The following IMPG1 variants were observed in gnomAD, a reference collection of about 807,000 sequenced individuals.
The protein encoded by IMPG1 is interphotoreceptor matrix proteoglycan of 150 kDa.
In IMPG1, 85 loss-of-function variants were observed where a neutral mutation model predicts 92.0. The observed-to-expected ratio is 0.92, with a 90% CI of 0.78 to 1.11. IMPG1 has a LOEUF of 1.11. Ranked by LOEUF, IMPG1 falls within the 50% of genes least tolerant of loss-of-function variation. The pLI is 0.00. For missense variants in IMPG1, 1,022 were observed against 956.0 expected, an observed-to-expected ratio of 1.07 and a Z score of -0.91; for synonymous variants, 367 against 334.1, an observed-to-expected ratio of 1.10 and a Z score of -1.08.
At position 76,034,393 on chromosome 6, in the gene IMPG1, C is replaced by T. The variant is rs761638471; in HGVS notation, c.469-50G>A. On this transcript the variant is annotated intron_variant, in intron 3 of 16. Transcript: ENST00000369950. ...TAATTTTACCAGGAGATAATGCCAA[C>T]CGAAGAGTTAAAGTCAATTTTCATT... The T allele has an allele frequency of 3.3e-6, 5 of 1,533,706 alleles. No homozygotes were observed. The South Asian group carries it at 5.6e-5, about 17-fold the overall frequency.
chr6:75,993,448 C>T (rs1335259105), intron 12 of IMPG1, among the ~76,000 whole-genome samples: 4 of 151,506 alleles, frequency 2.6e-5, no homozygotes, highest in Admixed American at 2.6e-4. Context: ...AGTTGTATCC[C>T]CACATGGCGG....
chr6:75,972,038 C>T (rs1230223105), intron 12 of IMPG1, among the ~76,000 whole-genome samples: 1 of 152,064 alleles, frequency 6.6e-6, no homozygotes, highest in Non-Finnish European at 1.5e-5. Flanking sequence ...GTAATTTTAC[C>T]TTTTAATAAA....
intron 1 of IMPG1, among the ~76,000 whole-genome samples, chr6:76,062,840 T>C (rs1582138335): frequency 7.1e-6 from 1 of 140,960 alleles, no homozygotes; most frequent in Admixed American, 7.8e-5. Context: ...AAGCCCTAAA[T>C]GAGTAGCAAG....
At chr6:75,958,313 T>C (rs1192927255) in intron 12 of IMPG1, among the ~76,000 whole-genome samples, 37 of 152,196 alleles carry the variant, frequency 2.4e-4, no homozygotes. Flanking sequence ...TGGCTGCCCT[T>C]AACATTTTCC....
intron 12 of IMPG1, among the ~76,000 whole-genome samples, chr6:75,969,818 T>C (rs993024044): frequency 1.3e-5 from 2 of 152,190 alleles, no homozygotes; most frequent in African/African-American, 4.8e-5. Flanking sequence ...AACGTATCTA[T>C]ATTCTAAGAA....
intron 12 of IMPG1, among the ~76,000 whole-genome samples, chr6:75,951,894 A>G (rs1307293418): frequency 2.6e-5 from 4 of 152,086 alleles, no homozygotes; most frequent in Non-Finnish European, 5.9e-5. Flanking sequence ...GTGAGCCGAG[A>G]TCATGCCACT....
At chr6:75,986,136 G>A (rs1016802125) in intron 12 of IMPG1, among the ~76,000 whole-genome samples, 4 of 151,954 alleles carry the variant, frequency 2.6e-5, no homozygotes, top group African/African-American at 9.7e-5. Context: ...TGGTACTTTG[G>A]TACTTTAATT....
intron 12 of IMPG1, among the ~76,000 whole-genome samples, chr6:75,966,355 C>T (rs1782307537): frequency 6.6e-6 from 1 of 152,016 alleles, no homozygotes; most frequent in Admixed American, 6.6e-5. Flanking sequence ...GTTATTGTGG[C>T]AGTATTTAGA....
intron 12 of IMPG1, among the ~76,000 whole-genome samples, chr6:75,975,811 A>C (rs1275018016): frequency 6.6e-6 from 1 of 152,218 alleles, no homozygotes; most frequent in Non-Finnish European, 1.5e-5. Context: ...CAACTACTCA[A>C]CTATGCTGCT....
At chr6:75,930,427 A>G (rs1457257527) in intron 15 of IMPG1, among the ~76,000 whole-genome samples, 1 of 152,218 alleles carries the variant, frequency 6.6e-6, no homozygotes, top group Non-Finnish European at 1.5e-5. Context: ...TGTGGAATTA[A>G]CTGATTTTCA....
intron 16 of IMPG1, 112 bp downstream of exon 16, chr6:75,923,516 TTAAAAA>T (rs1781466816): frequency 3.0e-6 from 2 of 662,162 alleles, no homozygotes; most frequent in Non-Finnish European, 5.3e-6. Context: ...AAACAGTAAA[TTAAAAA>T]TAAAAAGTAT....
rs199644430 is a variant in IMPG1 at position 76,003,872 on chromosome 6, A to G, written c.1212+2T>C. 34 of 1,608,532 alleles carry G rather than the reference A, an allele frequency of 2.1e-5. No homozygotes were observed. The highest frequency in any genetic ancestry group is 5.1e-5 in the Admixed American group (3 of 58,984). ...TAAAGAACAAAAGGACAACAAACTT[A>G]CCTCTGTTATAACAGCAAAAGATGT... On this transcript the variant is annotated splice_donor_variant, in intron 11 of 16. Coordinates refer to ENST00000369950, the MANE Select transcript of IMPG1 (RefSeq NM_001563.4). LOFTEE classifies it high-confidence loss of function.
intron 12 of IMPG1, among the ~76,000 whole-genome samples, chr6:75,966,271 CATT>C (rs1782306788): frequency 6.6e-6 from 1 of 152,112 alleles, no homozygotes; most frequent in African/African-American, 2.4e-5. Flanking sequence ...TATTAAAAAA[CATT>C]ATTAAAAATA....
intron 4 of IMPG1, among the ~76,000 whole-genome samples, chr6:76,030,579 G>T (rs944587332): frequency 1.6e-4 from 25 of 152,086 alleles, no homozygotes; most frequent in Non-Finnish European, 1.5e-5. Flanking sequence ...CCTTAAACTG[G>T]TTGTCTTAGG....
At chr6:76,019,342 T>G (rs1173792859) in intron 6 of IMPG1, among the ~76,000 whole-genome samples, 1 of 152,212 alleles carries the variant, frequency 6.6e-6, no homozygotes, top group Non-Finnish European at 1.5e-5. Context: ...GTTTTCAACC[T>G]TGGATACCCA....
At chr6:76,049,407 G>A (rs1164255160) in intron 1 of IMPG1, among the ~76,000 whole-genome samples, 1 of 152,158 alleles carries the variant, frequency 6.6e-6, no homozygotes, top group East Asian at 1.9e-4. Context: ...CCTAGTGAGT[G>A]AAGATTTCCT....
chr6:75,950,570 T>C lies in IMPG1; in HGVS notation c.1816A>G (p.Thr606Ala), dbSNP rs774278502. Residue 606 changes from threonine to alanine, a missense_variant, in exon 13 of 17, where the codon ACA becomes GCA. Physicochemically the swap from Thr to Ala is moderately conservative, Grantham distance 58 (BLOSUM62 0). Around this residue, in one of 3 missense-constraint regions of IMPG1, gnomAD observed 332 missense variants for 346.2 expected, o/e 0.96. Coordinates refer to ENST00000369950, the MANE Select transcript of IMPG1 (RefSeq NM_001563.4). ...GAGCAGTGCCCACTCACCAGCTGTGTGAATTGTTGCTCCAGAGCTCGGTAC... is the reference window on the plus strand; with the variant it reads ...GAGCAGTGCCCACTCACCAGCTGTGCGAATTGTTGCTCCAGAGCTCGGTAC... ...LEYRALEQQF[T>A]QLLVPYLRSN... 1 of 1,606,724 alleles carries C rather than the reference T, an allele frequency of 6.2e-7. No homozygotes were observed. Among genetic ancestry groups the C allele is most frequent in the Admixed American group, 1.7e-5 (1 of 59,344 alleles).
intron 4 of IMPG1, among the ~76,000 whole-genome samples, chr6:76,032,652 C>T (rs1227905673): frequency 6.6e-6 from 1 of 152,128 alleles, no homozygotes. Context: ...AAGTTCAAAG[C>T]AGGAAGAGAT....
chr6:76,005,466 G>T lies in IMPG1; in HGVS notation c.956C>A (p.Ala319Glu), dbSNP rs1191726871. ...KRHSAEAKSP[A>E]SDLLSFDSNK... ...GGAATCAAAAGACAGGAGGTCACTT[G>T]CAGGGCTTTTTGCTTCTGCACTGTG... is the stretch of plus-strand genomic sequence containing the variant. The change falls in exon 10 of 17, where the codon GCA becomes GAA. Residue 319 changes from alanine (A) to glutamate (E), a missense_variant. Physicochemically the swap from Ala to Glu is moderately radical, Grantham distance 107. Coordinates refer to ENST00000369950, the MANE Select transcript of IMPG1 (RefSeq NM_001563.4). The T allele has an allele frequency of 3.7e-6, 6 of 1,613,930 alleles. No homozygotes were observed. The South Asian group carries it at 5.5e-5, about 15-fold the overall frequency.
Sources: gnomAD v4.1 joint callset for allele counts (sites outside exome capture counted in the v4.1 genomes callset) on GRCh38, gnomAD v4.1.1 for gene constraint, gnomAD v4.1.1 regional missense constraint, MANE v1.5 for transcripts, NCBI Gene and HGNC (gene_info 2026-07-23, HGNC 2026-07-21) for gene names.